Variants in CAMTA1 observed in about 807,000 individuals in gnomAD.
CAMTA1 encodes calmodulin binding transcription activator 1, also known as calmodulin-binding transcription activator 1.
A neutral mutation model predicts 170.9 loss-of-function variants in CAMTA1; 27 were observed. The observed-to-expected ratio is 0.16, with a 90% CI of 0.12 to 0.22. CAMTA1 has a LOEUF of 0.22. CAMTA1 is among the 10% of genes least tolerant of loss of function. CAMTA1 has a pLI of 1.00. For synonymous variants in CAMTA1, 833 were observed against 891.5 expected (o/e 0.93, Z 1.17); for missense variants, 1,619 against 2,217.2 (o/e 0.73, Z 5.42).
At chr1:7,411,865 G>A (rs554963235) in intron 5 of CAMTA1, among the ~76,000 whole-genome samples, 3 of 151,386 alleles carry the variant, frequency 2.0e-5, no homozygotes, top group African/African-American at 7.3e-5. Flanking sequence ...CCATTAACTC[G>A]TCATTTAGCA....
intron 6 of CAMTA1, among the ~76,000 whole-genome samples, chr1:7,480,633 T>C (rs1216744827): frequency 6.6e-6 from 1 of 152,090 alleles, no homozygotes; most frequent in African/African-American, 2.4e-5. Flanking sequence ...TCCCTCCTTA[T>C]GAACGCTCCC....
intron 6 of CAMTA1, among the ~76,000 whole-genome samples, chr1:7,551,957 T>A (rs2094808591): frequency 6.6e-6 from 1 of 152,158 alleles, no homozygotes; most frequent in African/African-American, 2.4e-5. Flanking sequence ...TTCCAGGATA[T>A]GCACTTTTTA....
At chr1:7,556,831 C>G (rs2094885236) in intron 6 of CAMTA1, among the ~76,000 whole-genome samples, 1 of 152,108 alleles carries the variant, frequency 6.6e-6, no homozygotes, top group African/African-American at 2.4e-5. Context: ...AAAGGGCCAC[C>G]CCACTCAGAG....
At chr1:6,879,954 C>T (rs1018894745) in intron 3 of CAMTA1, among the ~76,000 whole-genome samples, 1 of 151,906 alleles carries the variant, frequency 6.6e-6, no homozygotes, top group Non-Finnish European at 1.5e-5. Context: ...TAAAGTGAAA[C>T]CACTTGTTAC....
chr1:7,060,842 T>C (rs1415803679), intron 3 of CAMTA1, among the ~76,000 whole-genome samples: 2 of 152,200 alleles, frequency 1.3e-5, no homozygotes, highest in African/African-American at 2.4e-5. Flanking sequence ...ACGGAAAGCG[T>C]TGCCAGGAAA....
In CAMTA1 at chr1:7,318,101, A is replaced by G. The variant is rs552975161; in HGVS notation, c.438+68475A>G. The stretch of plus-strand genomic sequence containing the variant: ...GACGGCAAGGCTGACGTCAGGGCCC[A>G]GTGTGCCAGTGCAGAAGCAGGGAGG... On this transcript the variant is annotated intron_variant, in intron 5 of 22. Coordinates refer to ENST00000303635, the MANE Select transcript of CAMTA1 (RefSeq NM_015215.4). Among the ~76,000 whole-genome samples the G allele has an allele frequency of 6.6e-5, 10 of 152,260 alleles. 1 individual carries two copies. The South Asian group carries it at 1.7e-3, about 25-fold the overall frequency.
intron 3 of CAMTA1, among the ~76,000 whole-genome samples, chr1:6,987,826 C>T (rs1353499420): frequency 6.6e-6 from 1 of 152,122 alleles, no homozygotes; most frequent in South Asian, 2.1e-4. Context: ...CCCATCACTC[C>T]TTCCTTCCCC....
intron 6 of CAMTA1, among the ~76,000 whole-genome samples, chr1:7,637,364 A>G (rs936468549): frequency 1.3e-5 from 2 of 152,208 alleles, no homozygotes; most frequent in African/African-American, 4.8e-5. Flanking sequence ...TGGCCCCTGC[A>G]GTCCTTTGAT....
At chr1:6,832,496 ATTT>A (rs1414440678) in intron 3 of CAMTA1, among the ~76,000 whole-genome samples, 1 of 151,752 alleles carries the variant, frequency 6.6e-6, no homozygotes, top group Non-Finnish European at 1.5e-5. Context: ...TAGGGCTGTA[ATTT>A]TTCAGTGATT....
At chr1:6,828,350 G>A (rs978545180) in intron 3 of CAMTA1, among the ~76,000 whole-genome samples, 1 of 139,452 alleles carries the variant, frequency 7.2e-6, no homozygotes, top group Non-Finnish European at 1.5e-5. Context: ...GGAGTGCAGT[G>A]GCATGATCTT....
chr1:7,713,487 A>C (rs1337409600), intron 11 of CAMTA1, among the ~76,000 whole-genome samples: 2 of 152,014 alleles, frequency 1.3e-5, no homozygotes, highest in East Asian at 3.9e-4. Flanking sequence ...AAACACACCT[A>C]CTATTGGCGA....
chr1:7,600,739 C>G (rs1279671334), intron 6 of CAMTA1, among the ~76,000 whole-genome samples: 3 of 151,910 alleles, frequency 2.0e-5, no homozygotes, highest in Admixed American at 1.3e-4. Flanking sequence ...CTTGCACCAC[C>G]CTTAATCCAT....
chr1:7,284,660 C>T (rs1019372055), intron 5 of CAMTA1, among the ~76,000 whole-genome samples: 2 of 152,316 alleles, frequency 1.3e-5, no homozygotes, highest in Admixed American at 6.5e-5. Flanking sequence ...TCTCCTGGGC[C>T]GTGGGCTTCT....
At chr1:6,915,176 C>T (rs911269163) in intron 3 of CAMTA1, among the ~76,000 whole-genome samples, 4 of 152,204 alleles carry the variant, frequency 2.6e-5, no homozygotes, top group African/African-American at 9.7e-5. Flanking sequence ...TTGGATTCCT[C>T]TACTTTGTCA....
At chr1:7,576,737 G>T (rs1005056319) in intron 6 of CAMTA1, among the ~76,000 whole-genome samples, 1 of 152,140 alleles carries the variant, frequency 6.6e-6, no homozygotes, top group Non-Finnish European at 1.5e-5. Flanking sequence ...TGATGGGAGC[G>T]GGTGCTGCAG....
At chr1:7,424,533 A>G (rs1309218057) in intron 5 of CAMTA1, among the ~76,000 whole-genome samples, 2 of 152,042 alleles carry the variant, frequency 1.3e-5, no homozygotes, top group African/African-American at 4.8e-5. Flanking sequence ...CACTTGCTGC[A>G]TGGGAGCAAA....
intron 3 of CAMTA1, among the ~76,000 whole-genome samples, chr1:6,923,959 C>G (rs1682562922): frequency 1.3e-5 from 2 of 151,986 alleles, no homozygotes; most frequent in Non-Finnish European, 2.9e-5. Flanking sequence ...AGAGAGAACC[C>G]CCATTACTCG....
At chr1:7,309,286 AATTTTTT>A (rs1676070605) in intron 5 of CAMTA1, among the ~76,000 whole-genome samples, 1 of 142,894 alleles carries the variant, frequency 7.0e-6, no homozygotes, top group African/African-American at 2.6e-5. Context: ...GCAGTTAGAA[AATTTTTT>A]TTTTTTTTTT....
chr1:6,976,479 A>C (rs1693446320), intron 3 of CAMTA1, among the ~76,000 whole-genome samples: 1 of 152,112 alleles, frequency 6.6e-6, no homozygotes, highest in Admixed American at 6.5e-5. Flanking sequence ...TGCAAGGGGG[A>C]CGTGGGAGAC....
Sources: allele counts gnomAD v4.1 joint callset (sites outside exome capture counted in the v4.1 genomes callset), GRCh38; gene constraint gnomAD v4.1.1; transcripts MANE v1.5; gene names NCBI Gene and HGNC (gene_info 2026-07-23, HGNC 2026-07-21).